Variants in ATP5MC2 observed in about 807,000 individuals in gnomAD.
ATP5MC2 encodes the protein ATP synthase membrane subunit c locus 2.
A neutral mutation model predicts 13.5 loss-of-function variants in ATP5MC2; 11 were observed. The ratio of observed to expected loss-of-function variants is 0.81; its 90% confidence interval spans 0.51 to 1.35. ATP5MC2 has a LOEUF of 1.35. Among genes scored for constraint, ATP5MC2 ranks in the 40% most tolerant of loss-of-function variants. The pLI, the probability that ATP5MC2 is intolerant of heterozygous loss-of-function variation, is 0.00. For synonymous variants in ATP5MC2, 64 were observed against 69.7 expected, an observed-to-expected ratio of 0.92 and a Z score of 0.41; for missense variants, 132 against 175.0, an observed-to-expected ratio of 0.75 and a Z score of 1.39.
chr12:53,667,997 A>ATTTTTT (rs59042234), intron 4 of ATP5MC2, among the ~76,000 whole-genome samples: 5 of 126,838 alleles, frequency 3.9e-5, no homozygotes, highest in African/African-American at 1.5e-4. Flanking sequence ...ATATATATAA[A>ATTTTTT]TTTTTTTTTT....
chr12:53,679,276 A>AGAGAGAGAGT (rs1945328092), upstream of ATP5MC2, among the ~76,000 whole-genome samples: 1 of 140,434 alleles, frequency 7.1e-6, no homozygotes, highest in South Asian at 2.3e-4. Flanking sequence ...AGAGAGAGAG[A>AGAGAGAGAGT]GAGACCAGGG....
intron 4 of ATP5MC2, among the ~76,000 whole-genome samples, chr12:53,667,952 CACACATATATATAT>C (rs1456509149): frequency 4.5e-5 from 5 of 110,748 alleles, no homozygotes; most frequent in African/African-American, 1.6e-4. Flanking sequence ...CATACATACA[CACACATATATATAT>C]ATATATATAT....
rs778404008 is a variant in ATP5MC2, at chr12:53,665,438, GGAGAA to G, written c.312-15_312-11del. 13 of 1,601,448 alleles carry G rather than the reference GGAGAA, an allele frequency of 8.1e-6. No homozygotes were observed. The highest frequency in any genetic ancestry group is 1.7e-4 in the Middle Eastern group (1 of 6,044). Reference sequence around the variant, plus strand: ...CTTCAGAGAAGGGTTCCTGGTAGAAGGAGAAGAGAAAAGACTGAATTTCTAGTTCA... The same window carrying G: ...CTTCAGAGAAGGGTTCCTGGTAGAAGGAGAAAAGACTGAATTTCTAGTTCA... On this transcript the variant is annotated splice_polypyrimidine_tract_variant and intron_variant, in intron 4 of 4. Transcript: ENST00000394349.
At chr12:53,676,262 C>G, upstream of ATP5MC2, 1 of 1,557,916 alleles carries the variant, frequency 6.4e-7, no homozygotes, top group Non-Finnish European at 8.7e-7. Context: ...AGAGGAGAAA[C>G]TACAGGGAGC....
At chr12:53,676,247 G>C (rs1415679440), upstream of ATP5MC2, 6 of 1,589,296 alleles carry the variant, frequency 3.8e-6, no homozygotes, top group African/African-American at 8.2e-5. Flanking sequence ...TCCACCTGGC[G>C]TTCGAGAGGA....
At chr12:53,670,327 G>A (rs998841615) in intron 2 of ATP5MC2, 4 of 351,042 alleles carry the variant, frequency 1.1e-5, no homozygotes, top group Non-Finnish European at 2.2e-5. Flanking sequence ...AGGGTTATGT[G>A]CCAATAAATC....
upstream of ATP5MC2, among the ~76,000 whole-genome samples, chr12:53,677,794 C>A (rs1208597098): frequency 2.0e-5 from 3 of 152,198 alleles, no homozygotes; most frequent in African/African-American, 4.8e-5. Flanking sequence ...CAAGTGGTGC[C>A]AGGCACTGTG....
chr12:53,676,293 C>G, upstream of ATP5MC2: 1 of 1,526,340 alleles, frequency 6.6e-7, no homozygotes, highest in Non-Finnish European at 8.9e-7. Flanking sequence ...GAAATGAGGC[C>G]AACTCCGCGG....
intron 2 of ATP5MC2, chr12:53,670,320 G>A (rs1395581668): frequency 2.8e-6 from 1 of 351,500 alleles, no homozygotes; most frequent in Non-Finnish European, 5.6e-6. Context: ...TTACCATAGG[G>A]TTATGTGCCA....
upstream of ATP5MC2, chr12:53,676,201 C>G: frequency 6.2e-7 from 1 of 1,612,308 alleles, no homozygotes; most frequent in Non-Finnish European, 8.5e-7. Context: ...ATCACAGCGC[C>G]GCCTGCCAGG....
At position 53,676,074 on chromosome 12, in the gene ATP5MC2, CAG is replaced by C. The variant is rs775439140; in HGVS notation, c.-55_-54del. On this transcript the variant is annotated 5_prime_UTR_variant, in exon 1 of 5. Transcript: ENST00000394349. ...TTACCTGCTCCCACTGCAGAGAAGA[CAG>C]AGAGGGGCGGAGCAGCGGGAAGAGC... 5 of 1,614,062 alleles carry C rather than the reference CAG, an allele frequency of 3.1e-6. No homozygotes were observed. Among genetic ancestry groups the C allele is most frequent in the African/African-American group, 2.7e-5 (2 of 74,956 alleles).
upstream of ATP5MC2, chr12:53,676,290 G>A (rs1174614035): frequency 2.0e-6 from 3 of 1,532,848 alleles, no homozygotes; most frequent in African/African-American, 2.8e-5. Context: ...GCAGAAATGA[G>A]GCCAACTCCG....
At chr12:53,668,785 G>A (rs368397160) in intron 4 of ATP5MC2, among the ~76,000 whole-genome samples, 25 of 151,944 alleles carry the variant, frequency 1.6e-4, no homozygotes, top group African/African-American at 5.6e-4. Context: ...TAGGGAGGCC[G>A]AGGCAGGTGG....
intron 2 of ATP5MC2, among the ~76,000 whole-genome samples, chr12:53,670,420 C>A (rs779168593): frequency 6.6e-6 from 1 of 152,198 alleles, no homozygotes; most frequent in Non-Finnish European, 1.5e-5. Context: ...AAAGCTTACA[C>A]TAGCTTACAT....
chr12:53,671,867 A>G (rs571664877), intron 2 of ATP5MC2, among the ~76,000 whole-genome samples: 3 of 151,932 alleles, frequency 2.0e-5, no homozygotes, highest in Non-Finnish European at 4.4e-5. Flanking sequence ...CCCTGTCTCT[A>G]CTCGGATCAC....
chr12:53,676,106 G>A (rs761897448), upstream of ATP5MC2: 17 of 1,614,250 alleles, frequency 1.1e-5, no homozygotes, highest in East Asian at 2.2e-5. Flanking sequence ...AAGAGCGAAA[G>A]GAAGGCTCAG....
rs148475150 is a variant in ATP5MC2, at chr12:53,669,016, A to AAAACAAACAAAC, written c.311+120_311+131dup. The stretch of plus-strand genomic sequence containing the variant: ...CTGGGAAACAGAGCGTTACTGTCTC[A>AAAACAAACAAAC]AAACAAACAAACAAACAAACAACAT... On this transcript the variant is annotated intron_variant, in intron 4 of 4. Transcript: ENST00000394349. 2.6e-3 allele frequency: 3,393 copies of AAAACAAACAAAC among 1,295,656 alleles called. 4 individuals are homozygous for AAAACAAACAAAC. The highest frequency in any genetic ancestry group is 3.0e-3 in the Non-Finnish European group (2,946 of 989,312). 80.3% of individuals were successfully genotyped at this position (1,295,656 alleles called of 1,614,324 possible). A position where few individuals can be genotyped will look rare whatever the true frequency, so the allele number is the denominator to read the frequency against.
intron 2 of ATP5MC2, among the ~76,000 whole-genome samples, chr12:53,670,626 T>TTC (rs199887851): frequency 0.011 from 1,562 of 148,492 alleles, 21 homozygotes; most frequent in African/African-American, 0.032. Context: ...CTTTCTTTCT[T>TTC]TTTTTTTTTT....
upstream of ATP5MC2, chr12:53,677,449 T>C (rs1294972142): frequency 6.6e-6 from 1 of 152,204 alleles, no homozygotes; most frequent in East Asian, 1.9e-4. Context: ...GCGGAGGAAT[T>C]TCAATGCGGC....
Sources: allele counts gnomAD v4.1 joint callset (sites outside exome capture counted in the v4.1 genomes callset), GRCh38; gene constraint gnomAD v4.1.1; transcripts MANE v1.5; gene names NCBI Gene and HGNC (gene_info 2026-07-23, HGNC 2026-07-21).